Variants in PERP observed in about 807,000 individuals in gnomAD.
PERP encodes p53 apoptosis effector related to PMP22.
Under a neutral mutation model 20.3 loss-of-function variants are expected in PERP, and 11 were observed. The observed-to-expected ratio is 0.54, with a 90% CI of 0.34 to 0.90. The LOEUF (loss-of-function observed/expected upper bound fraction) is 0.90, where lower values mean the gene tolerates loss of function less well. PERP is among the 40% of genes least tolerant of loss of function. The probability of loss-of-function intolerance (pLI) is 0.02; values close to 1 mark genes in which losing one functional copy is unlikely to be tolerated. For missense variants in PERP, 224 were observed against 249.4 expected (o/e 0.90, Z 0.69); for synonymous variants, 101 against 102.0 (o/e 0.99, Z 0.06).
chr6:138,101,858 T>G (rs1775778889), intron 1 of PERP, among the ~76,000 whole-genome samples: 1 of 152,192 alleles, frequency 6.6e-6, no homozygotes, highest in Admixed American at 6.5e-5. Flanking sequence ...ATTTGGCCAG[T>G]GCTTCTGAAA....
At chr6:138,092,354 A>G (rs527322047) in intron 2 of PERP, 86 bp from the exon 3 acceptor site, 3 of 1,184,538 alleles carry the variant, frequency 2.5e-6, no homozygotes, top group African/African-American at 3.0e-5. Flanking sequence ...ACCTCCTTCC[A>G]CCAAGTTTCT....
In PERP at chr6:138,088,557, A is replaced by G. The variant is rs1233976743; in HGVS notation, c.*3485T>C. On this transcript the variant is annotated 3_prime_UTR_variant, in exon 3 of 3. Coordinates refer to ENST00000421351, the MANE Select transcript of PERP (RefSeq NM_022121.5). The stretch of plus-strand genomic sequence containing the variant: ...CCAACAAAGTATGTTTTCGAGGTTA[A>G]CAACGAAGCACAGGATAGTACAAGT... The G allele has an allele frequency of 1.3e-5, 2 of 152,248 alleles. No individual in the cohort carries two copies. The highest frequency in any genetic ancestry group is 4.8e-5 in the African/African-American group (2 of 41,472). 9.4% of individuals were successfully genotyped at this position (152,248 alleles called of 1,614,324 possible). A position where few individuals can be genotyped will look rare whatever the true frequency, so the allele number is the denominator to read the frequency against.
At chr6:138,096,325 A>C (rs2114334565) in intron 2 of PERP, 29 bp downstream of exon 2, 2 of 1,612,192 alleles carry the variant, frequency 1.2e-6, no homozygotes, top group Non-Finnish European at 1.7e-6. Context: ...TGAAGGCATA[A>C]ATGAAGAATT....
intron 2 of PERP, among the ~76,000 whole-genome samples, chr6:138,093,436 G>A (rs1050752695): frequency 1.3e-5 from 2 of 149,070 alleles, no homozygotes; most frequent in African/African-American, 5.0e-5. Flanking sequence ...GTCTTCATTT[G>A]TTGCTTCTAA....
rs1775553436 is a variant in PERP at position 138,090,100 on chromosome 6, C to A, written c.*1942G>T. The A allele has an allele frequency of 6.6e-6, 1 of 152,142 alleles. No homozygotes were observed. The highest frequency in any genetic ancestry group is 2.4e-5 in the African/African-American group (1 of 41,428). 9.4% of individuals were successfully genotyped at this position (152,142 alleles called of 1,614,324 possible). A position where few individuals can be genotyped will look rare whatever the true frequency, so the allele number is the denominator to read the frequency against. On this transcript the variant is annotated 3_prime_UTR_variant, in exon 3 of 3. Coordinates refer to ENST00000421351, the MANE Select transcript of PERP (RefSeq NM_022121.5). Reference sequence around the variant, plus strand: ...ACATTTTTAATGACCACTTCAAATTCTCCACCAGCCACGGCATAGTTGTGT... The same window carrying A: ...ACATTTTTAATGACCACTTCAAATTATCCACCAGCCACGGCATAGTTGTGT...
chr6:138,092,313 T>C (rs753057471), intron 2 of PERP, 45 bp from the exon 3 acceptor site: 2 of 1,484,762 alleles, frequency 1.3e-6, no homozygotes, highest in South Asian at 1.2e-5. Context: ...CATACATGCA[T>C]GAAGGAATAA....
intron 2 of PERP, among the ~76,000 whole-genome samples, chr6:138,092,919 G>A (rs980093857): frequency 3.3e-5 from 5 of 150,320 alleles, no homozygotes; most frequent in African/African-American, 1.2e-4. Flanking sequence ...AGTGTGGTGG[G>A]GACAGAAAAA....
intron 1 of PERP, among the ~76,000 whole-genome samples, chr6:138,097,094 G>A (rs1346375016): frequency 6.6e-6 from 1 of 152,140 alleles, no homozygotes; most frequent in African/African-American, 2.4e-5. Flanking sequence ...ACAAGCTTGG[G>A]AGCAAACCAC....
At chr6:138,096,209 C>T (rs1775688504) in intron 2 of PERP, 145 bp downstream of exon 2, 1 of 1,064,172 alleles carries the variant, frequency 9.4e-7, no homozygotes, top group Non-Finnish European at 1.3e-6. Context: ...ACACATCTCT[C>T]CTCTGTTACT....
intron 1 of PERP, among the ~76,000 whole-genome samples, chr6:138,104,692 C>A (rs1775818740): frequency 6.6e-6 from 1 of 152,146 alleles, no homozygotes; most frequent in Non-Finnish European, 1.5e-5. Flanking sequence ...AGAAGTTTTT[C>A]AAAGTGGATG....
At chr6:138,106,145 GCTGT>G (rs1307770828) in intron 1 of PERP, among the ~76,000 whole-genome samples, 2 of 152,142 alleles carry the variant, frequency 1.3e-5, no homozygotes, top group Non-Finnish European at 2.9e-5. Context: ...AGGGTAGCTT[GCTGT>G]CTGTGTTTAA....
At chr6:138,095,440 G>A (rs1241429565) in intron 2 of PERP, among the ~76,000 whole-genome samples, 1 of 152,114 alleles carries the variant, frequency 6.6e-6, no homozygotes, top group Non-Finnish European at 1.5e-5. Flanking sequence ...CCTGGCTCAT[G>A]CATGATCATA....
intron 1 of PERP, among the ~76,000 whole-genome samples, chr6:138,105,398 G>GA (rs1205266161): frequency 2.0e-5 from 3 of 151,854 alleles, no homozygotes; most frequent in Non-Finnish European, 4.4e-5. Context: ...ACCAAACTAA[G>GA]AAAAAAAACC....
At chr6:138,095,339 T>A (rs1242528533) in intron 2 of PERP, among the ~76,000 whole-genome samples, 1 of 151,152 alleles carries the variant, frequency 6.6e-6, no homozygotes, top group Non-Finnish European at 1.5e-5. Flanking sequence ...GCTGGTTCTT[T>A]GAGGCACTCC....
At chr6:138,107,000 A>G (rs1775853260) in intron 1 of PERP, 127 bp downstream of exon 1, 3 of 925,318 alleles carry the variant, frequency 3.2e-6, no homozygotes, top group Non-Finnish European at 4.6e-6. Flanking sequence ...AGCTCGTCCT[A>G]AACAGGCATT....
chr6:138,101,915 C>T (rs879037732), intron 1 of PERP, among the ~76,000 whole-genome samples: 9 of 152,144 alleles, frequency 5.9e-5, no homozygotes, highest in South Asian at 4.2e-4. Context: ...ATGCCGATTC[C>T]GATCCTTAGG....
chr6:138,089,069 T>C lies in PERP; in HGVS notation c.*2973A>G, dbSNP rs1241501569. ...AGAAAAAATTCTATCAATCAGAGAA[T>C]CTTGAAGGTAGGGGGATCATTTACA... On this transcript the variant is annotated 3_prime_UTR_variant, in exon 3 of 3. Transcript: ENST00000421351. 6.6e-6 allele frequency: 1 copy of C among 152,108 alleles called. No individual in the cohort carries two copies. The highest frequency in any genetic ancestry group is 2.4e-5 in the African/African-American group (1 of 41,422). 9.4% of individuals were successfully genotyped at this position (152,108 alleles called of 1,614,324 possible).
intron 1 of PERP, among the ~76,000 whole-genome samples, chr6:138,097,968 T>G (rs569252367): frequency 2.0e-5 from 3 of 152,334 alleles, no homozygotes; most frequent in African/African-American, 7.2e-5. Flanking sequence ...TTGCCGATTT[T>G]GGACTTTTCA....
At chr6:138,092,731 A>G (rs962780454) in intron 2 of PERP, among the ~76,000 whole-genome samples, 1 of 152,232 alleles carries the variant, frequency 6.6e-6, no homozygotes, top group Non-Finnish European at 1.5e-5. Context: ...ACATGACTCA[A>G]TATTGATATT....
Sources: gnomAD v4.1 joint callset for allele counts (sites outside exome capture counted in the v4.1 genomes callset) on GRCh38, gnomAD v4.1.1 for gene constraint, MANE v1.5 for transcripts, NCBI Gene and HGNC (gene_info 2026-07-23, HGNC 2026-07-21) for gene names.